Variants in NEURL4 observed in about 807,000 individuals in gnomAD.
NEURL4 encodes neuralized-like protein 4.
In NEURL4, 45 loss-of-function variants were observed where a neutral mutation model predicts 148.0. The ratio of observed to expected loss-of-function variants is 0.30; its 90% confidence interval spans 0.24 to 0.39. NEURL4 has a LOEUF of 0.39. NEURL4 is among the 10% of genes least tolerant of loss of function. The pLI is 1.00. For synonymous variants in NEURL4, 854 were observed against 869.0 expected (o/e 0.98, Z 0.30); for missense variants, 1,776 against 2,144.0 (o/e 0.83, Z 3.39).
chr17:7,320,387 G>C (rs1229868085), intron 21 of NEURL4, among the ~76,000 whole-genome samples: 1 of 152,074 alleles, frequency 6.6e-6, no homozygotes, highest in African/African-American at 2.4e-5. Context: ...CGCCTGCCTT[G>C]GCCTCCAAAA....
rs1243337055 is a variant in NEURL4, at chr17:7,322,298, C to T, written c.2726-288G>A. 6.6e-6 allele frequency among the ~76,000 whole-genome samples: 1 copy of T among 152,146 alleles called. No individual in the cohort carries two copies. Among genetic ancestry groups the T allele is most frequent in the African/African-American group, 2.4e-5 (1 of 41,414 alleles). On this transcript the variant is annotated intron_variant, in intron 16 of 28. Transcript: ENST00000399464. The surrounding 1 kb of genome is among the most constrained non-coding windows in gnomAD (Gnocchi z 5.5). The stretch of plus-strand genomic sequence containing the variant: ...TCAGCCTCTCAAGTAGCTGGGACCA[C>T]AGGTGCATGCCACCACACCTGCCTA...
intron 8 of NEURL4, 65 bp downstream of exon 8, chr17:7,325,144 T>TTGGGGGGGGGGGGGGGGG: frequency 3.7e-5 from 35 of 956,470 alleles, no homozygotes; most frequent in Non-Finnish European, 4.5e-5. Flanking sequence ...TCCACTTCCT[T>TTGGGGGGGGGGGGGGGGG]GCCCCGCCCC....
At position 7,322,132 on chromosome 17, in the gene NEURL4, A is replaced by G; in HGVS notation, c.2726-122T>C. ...GCCAACGCCCCATCTGCCATCTGCC[A>G]TTACACCTCAGGGCCTCCTGACACC... On this transcript the variant is annotated intron_variant, in intron 16 of 28. Coordinates refer to ENST00000399464, the MANE Select transcript of NEURL4 (RefSeq NM_032442.3). This position sits in a 1 kb window ranked among gnomAD's most constrained non-coding sequence, Gnocchi z 5.5. 1.8e-6 allele frequency: 2 copies of G among 1,141,222 alleles called. No individual in the cohort carries two copies. The highest frequency in any genetic ancestry group is 3.0e-5 in the South Asian group (2 of 66,352). The allele number at this position is 1,141,222 out of a possible 1,614,324, so 70.7% of individuals were successfully genotyped here.
At chr17:7,328,633 ACT>A (rs1028039207) in intron 1 of NEURL4, among the ~76,000 whole-genome samples, 5 of 151,912 alleles carry the variant, frequency 3.3e-5, no homozygotes, top group African/African-American at 9.7e-5. Context: ...CAAACCCCTG[ACT>A]CTAGTGATCC....
chr17:7,329,322 C>A lies in NEURL4; in HGVS notation c.-10G>T. 7.2e-7 allele frequency: 1 copy of A among 1,381,560 alleles called. No homozygotes were observed. The highest frequency in any genetic ancestry group is 9.3e-7 in the Non-Finnish European group (1 of 1,074,904). 85.6% of individuals were successfully genotyped at this position (1,381,560 alleles called of 1,614,324 possible). The stretch of plus-strand genomic sequence containing the variant: ...CCGACCCTGCCGCCATCTCCGCTGA[C>A]ACCGGGGCAGCGCGACAGCCGCGCT... On this transcript the variant is annotated 5_prime_UTR_variant, in exon 1 of 29. Coordinates refer to ENST00000399464, the MANE Select transcript of NEURL4 (RefSeq NM_032442.3).
chr17:7,323,268 C>T, intron 14 of NEURL4, 145 bp from the exon 15 acceptor site: 3 of 992,858 alleles, frequency 3.0e-6, no homozygotes, highest in Admixed American at 2.3e-5. Flanking sequence ...CTCCTCTGTC[C>T]CTGGGATCCC....
In NEURL4 at chr17:7,327,049, G is replaced by A; in HGVS notation, c.794-40C>T. Reference sequence around the variant, plus strand: ...TGGAAGAAGGAAGCTCGGAAGTTGGGATGAGGCTCTACACCCCCAGACCTG... The same window carrying A: ...TGGAAGAAGGAAGCTCGGAAGTTGGAATGAGGCTCTACACCCCCAGACCTG... On this transcript the variant is annotated intron_variant, in intron 3 of 28. Transcript: ENST00000399464. This position sits in a 1 kb window ranked among gnomAD's most constrained non-coding sequence, Gnocchi z 6.6. The A allele has an allele frequency of 6.2e-7, 1 of 1,604,046 alleles. No individual in the cohort carries two copies. The highest frequency in any genetic ancestry group is 1.7e-5 in the Admixed American group (1 of 59,906).
In NEURL4 at chr17:7,326,031, C is replaced by T. The variant is rs954550181; in HGVS notation, c.1293+224G>A. Among the ~76,000 whole-genome samples, 2 of 152,134 alleles carry T rather than the reference C, an allele frequency of 1.3e-5. No homozygotes were observed. Among genetic ancestry groups the T allele is most frequent in the South Asian group, 2.1e-4 (1 of 4,830 alleles). On this transcript the variant is annotated intron_variant, in intron 6 of 28. Coordinates refer to ENST00000399464, the MANE Select transcript of NEURL4 (RefSeq NM_032442.3). This position sits in a 1 kb window ranked among gnomAD's most constrained non-coding sequence, Gnocchi z 6.0. Reference sequence around the variant, plus strand: ...AGAGGATAAGCTTCTTGCCCCGGTTCGCTACTACAAATGGGAAAACAGTAA... The same window carrying T: ...AGAGGATAAGCTTCTTGCCCCGGTTTGCTACTACAAATGGGAAAACAGTAA...
Position 7,321,538 on chromosome 17 carries a change from T to C in NEURL4, c.3099+22A>G, listed in dbSNP as rs1179434890. The C allele has an allele frequency of 1.2e-6, 2 of 1,613,210 alleles. No homozygotes were observed. The highest frequency in any genetic ancestry group is 1.7e-6 in the Non-Finnish European group (2 of 1,179,584). On this transcript the variant is annotated intron_variant, in intron 18 of 28. Coordinates refer to ENST00000399464, the MANE Select transcript of NEURL4 (RefSeq NM_032442.3). This position sits in a 1 kb window ranked among gnomAD's most constrained non-coding sequence, Gnocchi z 6.3. ...ACCTCCACTCCCAACCCCTCCCCTG[T>C]CCCTGGAGCCAGCCACTTCACCCCC...
chr17:7,316,547 C>A (rs990525847), intron 28 of NEURL4, among the ~76,000 whole-genome samples: 1 of 152,222 alleles, frequency 6.6e-6, no homozygotes, highest in Admixed American at 6.5e-5. Flanking sequence ...TCTCTCCCAC[C>A]TTCTTAGGAT....
chr17:7,326,148 G>T lies in NEURL4; in HGVS notation c.1293+107C>A. 9.8e-7 allele frequency: 1 copy of T among 1,023,152 alleles called. No homozygotes were observed. Among genetic ancestry groups the T allele is most frequent in the Non-Finnish European group, 1.5e-6 (1 of 670,546 alleles). 63.4% of individuals were successfully genotyped at this position (1,023,152 alleles called of 1,614,324 possible). On this transcript the variant is annotated intron_variant, in intron 6 of 28. Coordinates refer to ENST00000399464, the MANE Select transcript of NEURL4 (RefSeq NM_032442.3). This position sits in a 1 kb window ranked among gnomAD's most constrained non-coding sequence, Gnocchi z 6.0. Reference sequence around the variant, plus strand: ...AGGAACCTTTAGGTGGAAGATACAGGGACTGCCTCTAGGTCACATAGGAGA... The same window carrying T: ...AGGAACCTTTAGGTGGAAGATACAGTGACTGCCTCTAGGTCACATAGGAGA...
rs565598572 is a variant in NEURL4, at chr17:7,322,293, G to C, written c.2726-283C>G. On this transcript the variant is annotated intron_variant, in intron 16 of 28. Coordinates refer to ENST00000399464, the MANE Select transcript of NEURL4 (RefSeq NM_032442.3). The surrounding 1 kb of genome is among the most constrained non-coding windows in gnomAD (Gnocchi z 5.5). ...CCACCTCAGCCTCTCAAGTAGCTGGGACCACAGGTGCATGCCACCACACCT... is the reference window on the plus strand; with the variant it reads ...CCACCTCAGCCTCTCAAGTAGCTGGCACCACAGGTGCATGCCACCACACCT... Among the ~76,000 whole-genome samples the C allele has an allele frequency of 1.3e-5, 2 of 152,040 alleles. No individual in the cohort carries two copies. Among genetic ancestry groups the C allele is most frequent in the Non-Finnish European group, 2.9e-5 (2 of 68,012 alleles).
rs1167827682 is a variant in NEURL4 at position 7,326,792 on chromosome 17, A to C, written c.1011T>G (p.Ala337=). 6.2e-7 allele frequency: 1 copy of C among 1,613,262 alleles called. No individual in the cohort carries two copies. Among genetic ancestry groups the C allele is most frequent in the Non-Finnish European group, 8.5e-7 (1 of 1,179,826 alleles). Residue 337 remains alanine (A), a synonymous_variant, in exon 4 of 29, where the codon GCT becomes GCG. Transcript: ENST00000399464. This position sits in a 1 kb window ranked among gnomAD's most constrained non-coding sequence, Gnocchi z 6.0. The part of the protein sequence containing the change: ...LIKLSNNNKT[A]ERRRPLDEFN... ...ATTCATCCAGGGGCCGCCGGCGCTCAGCCGTCTTATTATTGTTGCTGAGTT... is the reference window on the plus strand; with the variant it reads ...ATTCATCCAGGGGCCGCCGGCGCTCCGCCGTCTTATTATTGTTGCTGAGTT...
In NEURL4 at chr17:7,324,661, C is replaced by T; in HGVS notation, c.1813+138G>A. On this transcript the variant is annotated intron_variant, in intron 9 of 28. Coordinates refer to ENST00000399464, the MANE Select transcript of NEURL4 (RefSeq NM_032442.3). The surrounding 1 kb of genome is among the most constrained non-coding windows in gnomAD (Gnocchi z 5.9). ...CTTCCAAGACAGCCACAGCCCTGCC[C>T]ACGGGACACTCTCTAGCCACTGAAT... is the stretch of plus-strand genomic sequence containing the variant. 9.1e-7 allele frequency: 1 copy of T among 1,097,438 alleles called. No homozygotes were observed. The highest frequency in any genetic ancestry group is 1.4e-5 in the South Asian group (1 of 69,394). 68.0% of individuals were successfully genotyped at this position (1,097,438 alleles called of 1,614,324 possible). A position where few individuals can be genotyped will look rare whatever the true frequency, so the allele number is the denominator to read the frequency against.
chr17:7,323,592 C>T (rs746684728), intron 13 of NEURL4, 29 bp from the exon 14 acceptor site: 21 of 1,614,034 alleles, frequency 1.3e-5, no homozygotes, highest in African/African-American at 2.7e-5. Flanking sequence ...AAGTCAAGGC[C>T]GATCCCCAAG....
chr17:7,318,327 A>C lies in NEURL4; in HGVS notation c.3894T>G (p.Ala1298=). The stretch of plus-strand genomic sequence containing the variant: ...GGGTTCCAGCACTTTTCCCACTGGC[A>C]GCCCCTGGCTCAGGGTTCACGATTG... ...QVTIVNPEPG[A]ASGKSAGTQG... The change falls in exon 24 of 29, where the codon GCT becomes GCG. Residue 1298 remains alanine, a synonymous_variant. Coordinates refer to ENST00000399464, the MANE Select transcript of NEURL4 (RefSeq NM_032442.3). This position sits in a 1 kb window ranked among gnomAD's most constrained non-coding sequence, Gnocchi z 4.3. 6.2e-7 allele frequency: 1 copy of C among 1,614,134 alleles called. No homozygotes were observed. Among genetic ancestry groups the C allele is most frequent in the Non-Finnish European group, 8.5e-7 (1 of 1,180,020 alleles).
In NEURL4 at chr17:7,322,120, C is replaced by A; in HGVS notation, c.2726-110G>T. 1 of 1,206,112 alleles carries A rather than the reference C, an allele frequency of 8.3e-7. No individual in the cohort carries two copies. Among genetic ancestry groups the A allele is most frequent in the Non-Finnish European group, 1.2e-6 (1 of 865,688 alleles). 74.7% of individuals were successfully genotyped at this position (1,206,112 alleles called of 1,614,324 possible). ...CGAAATGGGGATGCCAACGCCCCAT[C>A]TGCCATCTGCCATTACACCTCAGGG... On this transcript the variant is annotated intron_variant, in intron 16 of 28. Transcript: ENST00000399464. The surrounding 1 kb of genome is among the most constrained non-coding windows in gnomAD (Gnocchi z 5.5).
Position 7,318,096 on chromosome 17 carries a change from G to A in NEURL4, c.4029C>T (p.Cys1343=), listed in dbSNP as rs1003658404. The part of the protein sequence containing the change: ...PLKSCEYHAL[C]SRFQELLLLP... ...GCAGCAGGAGTTCTTGGAAGCGAGAGCAAAGGGCATGGTACTCGCAGCTCT... is the reference window on the plus strand; with the variant it reads ...GCAGCAGGAGTTCTTGGAAGCGAGAACAAAGGGCATGGTACTCGCAGCTCT... The change falls in exon 25 of 29, where the codon TGC becomes TGT. Residue 1343 remains cysteine, a synonymous_variant. Coordinates refer to ENST00000399464, the MANE Select transcript of NEURL4 (RefSeq NM_032442.3). This position sits in a 1 kb window ranked among gnomAD's most constrained non-coding sequence, Gnocchi z 4.3. 6.2e-7 allele frequency: 1 copy of A among 1,614,164 alleles called. No homozygotes were observed. The highest frequency in any genetic ancestry group is 8.5e-7 in the Non-Finnish European group (1 of 1,180,028).
At position 7,317,566 on chromosome 17, in the gene NEURL4, G is replaced by C. The variant is rs756156844; in HGVS notation, c.4213C>G (p.Pro1405Ala). Residue 1405 changes from proline (P) to alanine (A), a missense_variant, in exon 27 of 29, where the codon CCC becomes GCC. Transcript: ENST00000399464. ...GWCRFNLRVNPRLEAGTLTKK... is the reference protein window; with the variant it reads ...GWCRFNLRVNARLEAGTLTKK... ...GTTAGTGTCCCAGCCTCCAGGCGGG[G>C]ATTCACTCTAGGAGGTGGACAAGCG... 1 of 1,614,006 alleles carries C rather than the reference G, an allele frequency of 6.2e-7. No individual in the cohort carries two copies. Among genetic ancestry groups the C allele is most frequent in the South Asian group, 1.1e-5 (1 of 91,074 alleles).
Sources: gnomAD v4.1 joint callset for allele counts (sites outside exome capture counted in the v4.1 genomes callset) on GRCh38, gnomAD v4.1.1 for gene constraint, Gnocchi (gnomAD v3.1) non-coding constraint, MANE v1.5 for transcripts, NCBI Gene and HGNC (gene_info 2026-07-23, HGNC 2026-07-21) for gene names.